SERPING1: variants seen among roughly 807,000 people sequenced by gnomAD.
SERPING1 encodes serpin family G member 1.
SERPING1 carries 5 observed loss-of-function variants against 34.1 expected under a neutral mutation model. That is an observed-to-expected ratio of 0.15 (90% CI 0.08 to 0.31). The LOEUF is 0.31. Among genes scored for constraint, SERPING1 ranks in the 10% least tolerant of loss-of-function variants. The pLI is 1.00. For synonymous variants in SERPING1, 225 were observed against 242.4 expected, an observed-to-expected ratio of 0.93 and a Z score of 0.67; for missense variants, 505 against 609.5, an observed-to-expected ratio of 0.83 and a Z score of 1.81.
At chr11:57,599,853 A>G (rs2135307899) in intron 2 of SERPING1, 26 bp from the exon 3 acceptor site, 1 of 1,614,184 alleles carries the variant, frequency 6.2e-7, no homozygotes, top group African/African-American at 1.3e-5. Flanking sequence ...TAAGAAAAAA[A>G]TGAAACTCAG....
intron 3 of SERPING1, 34 bp from the exon 4 acceptor site, chr11:57,602,001 T>C: frequency 6.2e-7 from 1 of 1,613,754 alleles, no homozygotes; most frequent in Non-Finnish European, 8.5e-7. Flanking sequence ...CGACTCATCC[T>C]GCAAGTATCT....
At chr11:57,611,642 A>G (rs1344292863) in intron 6 of SERPING1, 75 bp from the exon 7 acceptor site, 3 of 1,330,002 alleles carry the variant, frequency 2.3e-6, no homozygotes, top group Non-Finnish European at 3.3e-6. Flanking sequence ...ACTGCAGGAC[A>G]GCATTGTGAC....
chr11:57,602,546 G>C (rs1945360893), intron 4 of SERPING1, among the ~76,000 whole-genome samples: 2 of 151,538 alleles, frequency 1.3e-5, no homozygotes, highest in Non-Finnish European at 2.9e-5. Context: ...CACGAGGTCA[G>C]GGGTTCGAGA....
At position 57,614,559 on chromosome 11, in the gene SERPING1, G is replaced by A. The variant is rs1363997186; in HGVS notation, c.1481G>A (p.Arg494Gln). The change falls in exon 8 of 8, where the codon CGA (arginine) becomes CAA (glutamine). Residue 494 changes from arginine (R) to glutamine (Q), a missense_variant. Transcript: ENST00000278407. ...CACAAGTTCCCTGTCTTCATGGGGC[G>A]AGTATATGACCCCAGGGCCTGAGAC... Reference protein sequence around the residue: ...QQHKFPVFMGRVYDPRA With the variant: ...QQHKFPVFMGQVYDPRA 10 of 1,613,852 alleles carry A rather than the reference G, an allele frequency of 6.2e-6. No homozygotes were observed. Among genetic ancestry groups the A allele is most frequent in the East Asian group, 2.2e-5 (1 of 44,884 alleles).
chr11:57,609,221 T>G (rs1399657089), intron 6 of SERPING1, among the ~76,000 whole-genome samples: 5 of 151,908 alleles, frequency 3.3e-5, no homozygotes, highest in Non-Finnish European at 5.9e-5. Flanking sequence ...GAGGTTACAG[T>G]GAGCCAAAAT....
chr11:57,608,483 A>G (rs568895324), intron 6 of SERPING1, among the ~76,000 whole-genome samples: 7 of 152,108 alleles, frequency 4.6e-5, no homozygotes, highest in African/African-American at 7.2e-5. Context: ...AGTAATTTCT[A>G]TCTCCCCAAG....
chr11:57,609,609 T>C lies in SERPING1; in HGVS notation c.1030-2108T>C, dbSNP rs182048547. Among the ~76,000 whole-genome samples, 27 of 152,172 alleles carry C rather than the reference T, an allele frequency of 1.8e-4. No individual in the cohort carries two copies. The East Asian group carries it at 4.8e-3, about 27-fold the overall frequency. ...AAAAAAAAATAGGGTGATTTTTATA[T>C]AAAAACACTCTCATTTGTTCTTGAA... On this transcript the variant is annotated intron_variant, in intron 6 of 7. Transcript: ENST00000278407.
chr11:57,611,284 C>T, intron 6 of SERPING1: 1 of 227,336 alleles, frequency 4.4e-6, no homozygotes, highest in East Asian at 1.0e-4. Flanking sequence ...ATCTTGAATG[C>T]CATACTAAGA....
chr11:57,598,056 C>G (rs887549942), intron 1 of SERPING1, 193 bp from the exon 2 acceptor site: 3 of 567,876 alleles, frequency 5.3e-6, no homozygotes, highest in Non-Finnish European at 9.6e-6. Flanking sequence ...CAGCCGGTGC[C>G]GGGAAAGGGA....
intron 6 of SERPING1, 162 bp from the exon 7 acceptor site, chr11:57,611,555 T>C (rs766985168): frequency 3.3e-5 from 24 of 729,264 alleles, no homozygotes; most frequent in Non-Finnish European, 5.6e-5. Flanking sequence ...TTCACCCAGC[T>C]GGTATCCCCA....
chr11:57,609,439 G>T (rs1160760528), intron 6 of SERPING1, among the ~76,000 whole-genome samples: 1 of 152,086 alleles, frequency 6.6e-6, no homozygotes, highest in Non-Finnish European at 1.5e-5. Flanking sequence ...AATAAGCCGG[G>T]TGTGATGGTG....
chr11:57,605,483 G>C (rs1168772776), intron 4 of SERPING1: 1 of 173,750 alleles, frequency 5.8e-6, no homozygotes, highest in African/African-American at 2.4e-5. Flanking sequence ...CACCCACCTT[G>C]GCCTCCCAAA....
chr11:57,606,726 A>G, intron 6 of SERPING1, 179 bp downstream of exon 6: 1 of 770,822 alleles, frequency 1.3e-6, no homozygotes, highest in Admixed American at 1.9e-5. Flanking sequence ...GCCAAGGCAG[A>G]CATTGTATAT....
Position 57,611,589 on chromosome 11 carries a change from T to C in SERPING1, c.1030-128T>C, listed in dbSNP as rs1268154817. ...CATTTCATGGTAAAGCCTGGAAGCT[T>C]AGGTCTGACTGATGCTTGTTGAAAT... On this transcript the variant is annotated intron_variant, in intron 6 of 7. Transcript: ENST00000278407. 6 of 912,512 alleles carry C rather than the reference T, an allele frequency of 6.6e-6. No individual in the cohort carries two copies. In the Admixed American group the frequency reaches 1.0e-4, roughly 16 times the overall value. 56.5% of individuals were successfully genotyped at this position (912,512 alleles called of 1,614,324 possible).
rs1173593893 is a variant in SERPING1 at position 57,606,233 on chromosome 11, G to C, written c.889+20G>C. The C allele has an allele frequency of 1.2e-6, 2 of 1,613,836 alleles. No homozygotes were observed. The highest frequency in any genetic ancestry group is 8.5e-7 in the Non-Finnish European group (1 of 1,179,722). On this transcript the variant is annotated intron_variant, in intron 5 of 7. Transcript: ENST00000278407. ...TGAGTGGTAAGGGTGCCCTTAGCCA[G>C]TTAGTCTTCCCATTCTGGGTCCTTC...
chr11:57,609,495 G>A (rs1565172701), intron 6 of SERPING1, among the ~76,000 whole-genome samples: 1 of 151,792 alleles, frequency 6.6e-6, no homozygotes, highest in East Asian at 1.9e-4. Flanking sequence ...CAGAAGAATC[G>A]CTTGAACCCG....
Position 57,600,188 on chromosome 11 carries a change from T to G in SERPING1, c.361T>G (p.Ser121Ala). 6.3e-7 allele frequency: 1 copy of G among 1,598,966 alleles called. No homozygotes were observed. Among genetic ancestry groups the G allele is most frequent in the South Asian group, 1.1e-5 (1 of 90,682 alleles). Reference protein sequence around the residue: ...TDSPTQPTTGSFCPGPVTLCS... With the variant: ...TDSPTQPTTGAFCPGPVTLCS... Reference sequence around the variant, plus strand: ...TTCTCCTACCCAGCCCACTACTGGGTCCTTCTGCCCAGGACCTGTTACTCT... The same window carrying G: ...TTCTCCTACCCAGCCCACTACTGGGGCCTTCTGCCCAGGACCTGTTACTCT... Residue 121 changes from serine to alanine, a missense_variant, in exon 3 of 8, where the codon TCC becomes GCC. Transcript: ENST00000278407.
rs1005511 is a variant in SERPING1, at chr11:57,599,183, C to T, written c.52-696C>T. 0.4 allele frequency among the ~76,000 whole-genome samples: 61,147 copies of T among 151,878 alleles called. 13,101 individuals are homozygous for T. The highest frequency in any genetic ancestry group is 0.75 in the East Asian group (3,885 of 5,152). On this transcript the variant is annotated intron_variant, in intron 2 of 7. Transcript: ENST00000278407. ...AATTCATTGCTGAGGGGCTACCCTGCGCATTTTAGGATGTTTTGCAGTATA... is the reference window on the plus strand; with the variant it reads ...AATTCATTGCTGAGGGGCTACCCTGTGCATTTTAGGATGTTTTGCAGTATA...
Position 57,598,314 on chromosome 11 carries a change from T to A in SERPING1, c.44T>A (p.Leu15Gln). The A allele has an allele frequency of 6.4e-7, 1 of 1,562,588 alleles. No homozygotes were observed. The highest frequency in any genetic ancestry group is 1.2e-5 in the South Asian group (1 of 85,424). Reference protein sequence around the residue: ...LTLLTLLLLLLAGDRASSNPN... With the variant: ...LTLLTLLLLLQAGDRASSNPN... Reference sequence around the variant, plus strand: ...CTGCTGACCCTCCTGCTGCTGCTGCTGGCTGGGGTATGTGGTCCCTTGTGG... The same window carrying A: ...CTGCTGACCCTCCTGCTGCTGCTGCAGGCTGGGGTATGTGGTCCCTTGTGG... Residue 15 changes from leucine to glutamine, a missense_variant, in exon 2 of 8, where the codon CTG (leucine) becomes CAG (glutamine). By Grantham distance (113) the Leu-to-Gln change is moderately radical. Transcript: ENST00000278407.
Sources: allele counts gnomAD v4.1 joint callset (sites outside exome capture counted in the v4.1 genomes callset), GRCh38; gene constraint gnomAD v4.1.1; transcripts MANE v1.5; gene names NCBI Gene and HGNC (gene_info 2026-07-23, HGNC 2026-07-21).